ATP2B2: variants seen among roughly 807,000 people sequenced by gnomAD.
ATP2B2 encodes the protein plasma membrane calcium-transporting ATPase 2.
In ATP2B2, 15 loss-of-function variants were observed where a neutral mutation model predicts 120.0. That is an observed-to-expected ratio of 0.12 (90% CI 0.08 to 0.19). The LOEUF (loss-of-function observed/expected upper bound fraction) is 0.19. ATP2B2 is among the 10% of genes least tolerant of loss of function. ATP2B2 has a pLI of 1.00. For synonymous variants in ATP2B2, 694 were observed against 700.3 expected (o/e 0.99, Z 0.14); for missense variants, 1,045 against 1,719.8 (o/e 0.61, Z 6.94).
Position 10,537,746 on chromosome 3 carries a change from T to C in ATP2B2, c.-414-3613A>G, listed in dbSNP as rs192915940. Among the ~76,000 whole-genome samples, 28 of 152,342 alleles carry C rather than the reference T, an allele frequency of 1.8e-4. 1 individual carries two copies. The highest frequency in any genetic ancestry group is 1.6e-3 in the Admixed American group (24 of 15,304). The stretch of plus-strand genomic sequence containing the variant: ...ATGATGAGAGCTGGCATCCTTGTCT[T>C]GTTCCCAATCTCAGGGGAAAGCATT... On this transcript the variant is annotated intron_variant, in intron 2 of 21. Transcript: ENST00000646379.
chr3:10,626,938 A>G (rs2069721197), intron 1 of ATP2B2: 1 of 152,358 alleles, frequency 6.6e-6, no homozygotes, highest in Non-Finnish European at 1.5e-5. Flanking sequence ...CCAATGAGAC[A>G]CTGAGGCAAA....
chr3:10,442,240 C>T (rs2063692834), intron 2 of ATP2B2, among the ~76,000 whole-genome samples: 1 of 152,078 alleles, frequency 6.6e-6, no homozygotes, highest in Admixed American at 6.6e-5. Context: ...CCTTACAACC[C>T]ATCTCTTCTA....
chr3:10,549,251 T>C (rs1480437436), intron 2 of ATP2B2, among the ~76,000 whole-genome samples: 3 of 152,198 alleles, frequency 2.0e-5, no homozygotes, highest in Non-Finnish European at 4.4e-5. Flanking sequence ...AGTGGCCCCC[T>C]TCCCTGTGCT....
At chr3:10,377,211 C>T (rs893289973) in intron 10 of ATP2B2, among the ~76,000 whole-genome samples, 8 of 152,074 alleles carry the variant, frequency 5.3e-5, no homozygotes, top group Non-Finnish European at 7.4e-5. Flanking sequence ...CTGCCTGTGG[C>T]GGTGGCGATG....
intron 1 of ATP2B2, among the ~76,000 whole-genome samples, chr3:10,482,192 T>A (rs1296649682): frequency 1.3e-5 from 2 of 152,220 alleles, no homozygotes; most frequent in African/African-American, 4.8e-5. Context: ...ATTTACGTGC[T>A]CTGTCTCATG....
rs1293257670 is a variant in ATP2B2, at chr3:10,328,821, G to T, written c.3725C>A (p.Ser1242Ter). 6.2e-7 allele frequency: 1 copy of T among 1,607,602 alleles called. No individual in the cohort carries two copies. The highest frequency in any genetic ancestry group is 1.3e-5 in the African/African-American group (1 of 74,708). The change falls in exon 23 of 23, where the codon TCG becomes TAG. Residue 1242 changes from serine (S) to a stop codon, truncating the protein, a stop_gained. Coordinates refer to ENST00000360273, the MANE Select transcript of ATP2B2 (RefSeq NM_001001331.4). LOFTEE classifies it high-confidence loss of function. ...AGGCGAGAGGGTCCTCAGCTAAAGC[G>T]ACGTCTCCAGGCTGTGGATGGGGCT... Reference protein sequence around the residue: ...PGSPIHSLETSL With the variant: ...PGSPIHSLET
chr3:10,415,614 T>C (rs2062754011), intron 2 of ATP2B2, among the ~76,000 whole-genome samples: 1 of 152,222 alleles, frequency 6.6e-6, no homozygotes, highest in Non-Finnish European at 1.5e-5. Context: ...TCCCAGGAGC[T>C]GAATCTTGTG....
rs372861791 is a variant in ATP2B2, at chr3:10,385,334, G to A, written c.941-7C>T. On this transcript the variant is annotated splice_polypyrimidine_tract_variant and splice_region_variant and intron_variant, in intron 7 of 22. Coordinates refer to ENST00000360273, the MANE Select transcript of ATP2B2 (RefSeq NM_001001331.4). ...GCTGCCGCACCGTCTGCTGCTGCAGGGGGGTGGGAGGGATGGAAAATGCAG... is the reference window on the plus strand; with the variant it reads ...GCTGCCGCACCGTCTGCTGCTGCAGAGGGGTGGGAGGGATGGAAAATGCAG... The A allele has an allele frequency of 4.3e-6, 7 of 1,613,246 alleles. No homozygotes were observed. The Admixed American group carries it at 5.0e-5, about 12-fold the overall frequency.
chr3:10,415,243 C>T (rs928368298), intron 2 of ATP2B2, among the ~76,000 whole-genome samples: 1 of 152,186 alleles, frequency 6.6e-6, no homozygotes, highest in Non-Finnish European at 1.5e-5. Context: ...CGATGTCTCA[C>T]GTAAGGAGTG....
chr3:10,421,542 G>A (rs565176777), intron 2 of ATP2B2, among the ~76,000 whole-genome samples: 5 of 152,336 alleles, frequency 3.3e-5, no homozygotes, highest in East Asian at 1.9e-4. Flanking sequence ...GCTGAGTGGC[G>A]AGAAAAAGGA....
At chr3:10,629,269 G>T (rs560969994) in intron 1 of ATP2B2, among the ~76,000 whole-genome samples, 2 of 152,186 alleles carry the variant, frequency 1.3e-5, no homozygotes, top group Non-Finnish European at 2.9e-5. Context: ...CTGGGAACGC[G>T]CTGCGGGCAA....
chr3:10,369,175 C>G (rs542655552), intron 12 of ATP2B2, among the ~76,000 whole-genome samples: 3 of 152,326 alleles, frequency 2.0e-5, no homozygotes, highest in Admixed American at 1.3e-4. Context: ...GCCCTGTCTC[C>G]TCTTGTATGG....
At chr3:10,403,239 T>C (rs1398388647) in intron 3 of ATP2B2, among the ~76,000 whole-genome samples, 2 of 152,182 alleles carry the variant, frequency 1.3e-5, no homozygotes, top group Non-Finnish European at 2.9e-5. Context: ...ACTCCGTCCT[T>C]GTCAGACGTC....
chr3:10,400,276 T>C (rs1425340343), intron 5 of ATP2B2, among the ~76,000 whole-genome samples: 1 of 152,248 alleles, frequency 6.6e-6, no homozygotes, highest in South Asian at 2.1e-4. Context: ...ATGCTGACCA[T>C]GGCCCATGAG....
chr3:10,374,058 G>T (rs2061316265), intron 11 of ATP2B2, among the ~76,000 whole-genome samples: 1 of 152,178 alleles, frequency 6.6e-6, no homozygotes, highest in East Asian at 1.9e-4. Context: ...GACTGTAAAA[G>T]TACCTAACTT....
At chr3:10,446,062 C>G (rs1385091041) in intron 2 of ATP2B2, among the ~76,000 whole-genome samples, 1 of 152,206 alleles carries the variant, frequency 6.6e-6, no homozygotes, top group Non-Finnish European at 1.5e-5. Context: ...GGGCTGAGTT[C>G]AAAGCCTGCT....
chr3:10,700,006 C>A (rs1447443153), intron 1 of ATP2B2, among the ~76,000 whole-genome samples: 1 of 152,116 alleles, frequency 6.6e-6, no homozygotes, highest in South Asian at 2.1e-4. Flanking sequence ...CAGACTAAGA[C>A]AATGTGAAAA....
At chr3:10,504,447 T>C (rs551048097) in intron 1 of ATP2B2, among the ~76,000 whole-genome samples, 2 of 152,160 alleles carry the variant, frequency 1.3e-5, no homozygotes, top group African/African-American at 2.4e-5. Flanking sequence ...CTCTGCCGGC[T>C]GGTCGGGCTT....
intron 2 of ATP2B2, among the ~76,000 whole-genome samples, chr3:10,601,782 G>A (rs1390286017): frequency 3.3e-5 from 5 of 152,196 alleles, no homozygotes; most frequent in Admixed American, 2.0e-4. Context: ...CCACACCTTA[G>A]AACTTGGGCA....
Sources: gnomAD v4.1 joint callset for allele counts (sites outside exome capture counted in the v4.1 genomes callset) on GRCh38, gnomAD v4.1.1 for gene constraint, MANE v1.5 for transcripts, NCBI Gene and HGNC (gene_info 2026-07-23, HGNC 2026-07-21) for gene names.